The following HIBADH variants were observed in gnomAD, a reference collection of about 807,000 sequenced individuals.
HIBADH encodes 3-hydroxyisobutyrate dehydrogenase, mitochondrial.
In HIBADH, 25 loss-of-function variants were observed where a neutral mutation model predicts 36.1. That is an observed-to-expected ratio of 0.69 (90% confidence interval 0.50 to 0.97). The LOEUF (loss-of-function observed/expected upper bound fraction) is 0.97, where lower values mean the gene tolerates loss of function less well. Among genes scored for constraint, HIBADH ranks in the 50% least tolerant of loss-of-function variants. The probability of loss-of-function intolerance (pLI) is 0.00; values close to 1 mark genes in which losing one functional copy is unlikely to be tolerated. For synonymous variants in HIBADH, 160 were observed against 149.5 expected, an observed-to-expected ratio of 1.07 and a Z score of -0.51; for missense variants, 421 against 418.0, an observed-to-expected ratio of 1.01 and a Z score of -0.06.
chr7:27,641,752 G>A (rs144621516), intron 2 of HIBADH, among the ~76,000 whole-genome samples: 1 of 151,218 alleles, frequency 6.6e-6, no homozygotes, highest in East Asian at 1.9e-4. Context: ...TCTCTAAGCT[G>A]CCAACGTAAA....
chr7:27,640,837 T>G (rs552418136), intron 2 of HIBADH, among the ~76,000 whole-genome samples: 1 of 152,192 alleles, frequency 6.6e-6, no homozygotes, highest in Non-Finnish European at 1.5e-5. Flanking sequence ...TGTAAGAATT[T>G]GTACATTTAA....
intron 4 of HIBADH, among the ~76,000 whole-genome samples, chr7:27,579,857 T>C (rs920066170): frequency 3.3e-5 from 5 of 152,202 alleles, no homozygotes; most frequent in African/African-American, 1.2e-4. Context: ...TTTACCATAA[T>C]ACCATTTGAC....
intron 2 of HIBADH, among the ~76,000 whole-genome samples, chr7:27,648,722 CA>C (rs1251175011): frequency 9.2e-5 from 14 of 152,202 alleles, no homozygotes; most frequent in South Asian, 4.1e-4. Flanking sequence ...TTAACAAATC[CA>C]AACAACTCAA....
At chr7:27,617,008 T>C (rs1376415256) in intron 4 of HIBADH, among the ~76,000 whole-genome samples, 2 of 152,190 alleles carry the variant, frequency 1.3e-5, no homozygotes, top group Non-Finnish European at 2.9e-5. Context: ...TTTATAAGTT[T>C]AGTGTACCCT....
chr7:27,625,520 G>A (rs1440810385), intron 4 of HIBADH, among the ~76,000 whole-genome samples: 1 of 152,002 alleles, frequency 6.6e-6, no homozygotes, highest in Non-Finnish European at 1.5e-5. Flanking sequence ...TCAGGATGCT[G>A]GTTACCTCTC....
intron 4 of HIBADH, among the ~76,000 whole-genome samples, chr7:27,621,198 A>G (rs76889113): frequency 0.015 from 2,308 of 152,316 alleles, 104 homozygotes; most frequent in East Asian, 0.13. Context: ...CCAAATATAT[A>G]TGCACCCAAC....
At chr7:27,533,949 A>G (rs1449677555) in intron 6 of HIBADH, among the ~76,000 whole-genome samples, 1 of 152,154 alleles carries the variant, frequency 6.6e-6, no homozygotes, top group Non-Finnish European at 1.5e-5. Context: ...CAGTCCCCAT[A>G]ATAACTTGCC....
chr7:27,653,153 A>G (rs895234168), intron 1 of HIBADH, among the ~76,000 whole-genome samples: 3 of 152,162 alleles, frequency 2.0e-5, no homozygotes, highest in Non-Finnish European at 2.9e-5. Flanking sequence ...AAGGAATTCA[A>G]CATATAAATT....
chr7:27,661,441 G>A (rs1270739477), intron 1 of HIBADH, among the ~76,000 whole-genome samples: 2 of 151,930 alleles, frequency 1.3e-5, no homozygotes, highest in East Asian at 3.9e-4. Flanking sequence ...TACAAAAATT[G>A]GACGGGCGTG....
intron 1 of HIBADH, 47 bp downstream of exon 1, chr7:27,662,651 C>T (rs113111769): frequency 1.0e-5 from 12 of 1,166,810 alleles, no homozygotes; most frequent in African/African-American, 9.6e-5. Flanking sequence ...ACAGAAGAAG[C>T]GAGCGGCCGA....
At chr7:27,659,795 T>C (rs1321416403) in intron 1 of HIBADH, among the ~76,000 whole-genome samples, 1 of 152,198 alleles carries the variant, frequency 6.6e-6, no homozygotes, top group African/African-American at 2.4e-5. Flanking sequence ...CAGTGGCTAA[T>C]GCCTGTAAGC....
intron 1 of HIBADH, among the ~76,000 whole-genome samples, chr7:27,649,900 C>G (rs944073221): frequency 6.6e-6 from 1 of 150,980 alleles, no homozygotes; most frequent in Non-Finnish European, 1.5e-5. Context: ...AAAAAAAAAA[C>G]CCACTAACTT....
intron 1 of HIBADH, among the ~76,000 whole-genome samples, 193 bp downstream of exon 1, chr7:27,662,505 A>C (rs1037015671): frequency 6.6e-6 from 1 of 152,166 alleles, no homozygotes; most frequent in Non-Finnish European, 1.5e-5. Flanking sequence ...AAAGGGAGGG[A>C]AGGCAGAGGG....
chr7:27,620,351 C>T (rs542166791), intron 4 of HIBADH, among the ~76,000 whole-genome samples: 6 of 152,146 alleles, frequency 3.9e-5, no homozygotes, highest in Admixed American at 2.0e-4. Flanking sequence ...CTAAGCTAAA[C>T]AGCAAGACAA....
intron 4 of HIBADH, among the ~76,000 whole-genome samples, chr7:27,604,335 C>A: frequency 6.6e-6 from 1 of 151,912 alleles, no homozygotes; most frequent in East Asian, 1.9e-4. Flanking sequence ...ACTCTTACTG[C>A]ATAAAATTGA....
At chr7:27,634,191 A>G (rs576268366) in intron 2 of HIBADH, among the ~76,000 whole-genome samples, 1 of 152,314 alleles carries the variant, frequency 6.6e-6, no homozygotes, top group African/African-American at 2.4e-5. Flanking sequence ...AAAATATCTC[A>G]GACCCTAAAA....
intron 4 of HIBADH, among the ~76,000 whole-genome samples, chr7:27,621,913 T>G (rs1785552026): frequency 6.6e-6 from 1 of 152,162 alleles, no homozygotes; most frequent in Non-Finnish European, 1.5e-5. Flanking sequence ...AACATGCTCC[T>G]GAATGACCAC....
At chr7:27,545,547 G>A (rs1784226092) in intron 4 of HIBADH, among the ~76,000 whole-genome samples, 1 of 152,210 alleles carries the variant, frequency 6.6e-6, no homozygotes, top group Non-Finnish European at 1.5e-5. Flanking sequence ...GACAGCTTAT[G>A]GATTTCAGGA....
intron 2 of HIBADH, among the ~76,000 whole-genome samples, chr7:27,638,813 TAC>T (rs1201899503): frequency 6.6e-6 from 1 of 152,084 alleles, no homozygotes; most frequent in Non-Finnish European, 1.5e-5. Flanking sequence ...AAAAAAGACA[TAC>T]ACACAGTCAA....
Sources: allele counts gnomAD v4.1 joint callset (sites outside exome capture counted in the v4.1 genomes callset), GRCh38; gene constraint gnomAD v4.1.1; transcripts MANE v1.5; gene names NCBI Gene and HGNC (gene_info 2026-07-23, HGNC 2026-07-21).